The following SPRED2 variants were observed in gnomAD, a reference collection of about 807,000 sequenced individuals.
The protein encoded by SPRED2 is sprouty related EVH1 domain containing 2, also known as sprouty-related, EVH1 domain-containing protein 2.
A neutral mutation model predicts 43.0 loss-of-function variants in SPRED2; 47 were observed. The observed-to-expected ratio is 1.09, with a 90% CI of 0.87 to 1.40. The LOEUF (loss-of-function observed/expected upper bound fraction) is 1.40. Ranked by LOEUF, SPRED2 falls within the 40% of genes most tolerant of loss-of-function variation. The pLI is 0.00. For synonymous variants in SPRED2, 225 were observed against 225.7 expected (o/e 1.00, Z 0.03); for missense variants, 561 against 586.4 (o/e 0.96, Z 0.45).
chr2:65,337,728 T>G (rs1233644407), intron 2 of SPRED2, among the ~76,000 whole-genome samples: 1 of 149,150 alleles, frequency 6.7e-6, no homozygotes, highest in Non-Finnish European at 1.5e-5. Context: ...TTCATCTGTA[T>G]GGATGTATTA....
chr2:65,384,977 T>TC (rs397976962), intron 1 of SPRED2, among the ~76,000 whole-genome samples: 127 of 142,900 alleles, frequency 8.9e-4, no homozygotes, highest in Admixed American at 1.3e-3. Context: ...CACTTCTTCT[T>TC]TTTTTTTTTT....
At chr2:65,406,968 G>A (rs1453554564) in intron 1 of SPRED2, among the ~76,000 whole-genome samples, 3 of 149,944 alleles carry the variant, frequency 2.0e-5, no homozygotes, top group Admixed American at 6.7e-5. Flanking sequence ...TCGCTCTGTC[G>A]CCCAGGCTGG....
chr2:65,422,862 G>GT (rs1371218736), intron 1 of SPRED2, among the ~76,000 whole-genome samples: 3 of 152,276 alleles, frequency 2.0e-5, no homozygotes, highest in African/African-American at 7.2e-5. Flanking sequence ...AGGGCCAGAG[G>GT]TGAGCTGTTG....
chr2:65,419,577 TTGTGTGTGTGTGTGTGTGTG>T (rs10541896), intron 1 of SPRED2, among the ~76,000 whole-genome samples: 27 of 148,998 alleles, frequency 1.8e-4, no homozygotes, highest in Admixed American at 8.0e-4. Flanking sequence ...GGGATTATAG[TTGTGTGTGTGTGTGTGTGTG>T]TGTGTGTGTG....
intron 4 of SPRED2, among the ~76,000 whole-genome samples, chr2:65,331,276 A>G (rs541071303): frequency 6.6e-6 from 1 of 152,330 alleles, no homozygotes; most frequent in East Asian, 1.9e-4. Context: ...AATAAAAAGG[A>G]AAGAAAGAAA....
chr2:65,333,222 C>T (rs1167842582), intron 3 of SPRED2, among the ~76,000 whole-genome samples: 1 of 144,514 alleles, frequency 6.9e-6, no homozygotes, highest in African/African-American at 2.6e-5. Context: ...GCCGAGATGG[C>T]ACCACTGCAC....
At position 65,311,626 on chromosome 2, in the gene SPRED2, C is replaced by A; in HGVS notation, c.*1875G>T. ...GCTGGCTGAAGGTTTTCTAGATGTT[C>A]TCCAGGCATGGATGAGGTTCTCTTT... On this transcript the variant is annotated 3_prime_UTR_variant, in exon 6 of 6. Transcript: ENST00000356388. 2.0e-6 allele frequency: 2 copies of A among 985,826 alleles called. No homozygotes were observed. The highest frequency in any genetic ancestry group is 1.2e-6 in the Non-Finnish European group (1 of 829,936). 61.1% of individuals were successfully genotyped at this position (985,826 alleles called of 1,614,324 possible).
intron 1 of SPRED2, chr2:65,366,912 A>T: frequency 2.8e-6 from 1 of 351,680 alleles, no homozygotes; most frequent in Non-Finnish European, 4.0e-6. Flanking sequence ...ATATTGTTTT[A>T]AAAATTCCTG....
chr2:65,381,824 T>G (rs1402617661), intron 1 of SPRED2, among the ~76,000 whole-genome samples: 1 of 152,192 alleles, frequency 6.6e-6, no homozygotes, highest in Non-Finnish European at 1.5e-5. Context: ...AACATGAGAC[T>G]CCTCCTTGCA....
At chr2:65,322,294 A>ATATTTTTTTT (rs1350932295) in intron 4 of SPRED2, among the ~76,000 whole-genome samples, 2 of 64,930 alleles carry the variant, frequency 3.1e-5, no homozygotes, top group African/African-American at 1.4e-4. Context: ...ATATATATAT[A>ATATTTTTTTT]TTTTTTTTTT....
At chr2:65,336,011 T>C (rs1229763264) in intron 2 of SPRED2, among the ~76,000 whole-genome samples, 1 of 152,178 alleles carries the variant, frequency 6.6e-6, no homozygotes, top group East Asian at 1.9e-4. Context: ...AGTATACAGA[T>C]AAATTAGAGA....
intron 1 of SPRED2, among the ~76,000 whole-genome samples, chr2:65,349,301 TCTGTCTCAAAAAAAAAAA>T (rs370487458): frequency 0.025 from 2,938 of 115,916 alleles, 88 homozygotes; most frequent in African/African-American, 0.1. Flanking sequence ...ACAGCAAGAC[TCTGTCTCAAAAAAAAAAA>T]AAAAAAAAAA....
chr2:65,431,962 T>C lies in SPRED2; in HGVS notation c.26A>G (p.Asp9Gly). 1 of 1,613,362 alleles carries C rather than the reference T, an allele frequency of 6.2e-7. No homozygotes were observed. The highest frequency in any genetic ancestry group is 8.5e-7 in the Non-Finnish European group (1 of 1,179,664). Residue 9 changes from aspartate (D) to glycine (G), a missense_variant and splice_region_variant, in exon 1 of 6, where the codon GAT becomes GGT. Physicochemically the swap from Asp to Gly is moderately conservative, Grantham distance 94 (BLOSUM62 -1). Transcript: ENST00000356388. The stretch of plus-strand genomic sequence containing the variant: ...CGTCCCACCCCGCGACCAAACTTAC[T>C]CGTCTGGGTGTGTTTCTTCGGTCAT... MTEETHPD[D>G]DSYIVRVKAV...
intron 1 of SPRED2, among the ~76,000 whole-genome samples, chr2:65,373,210 C>A (rs1675170466): frequency 6.6e-6 from 1 of 152,190 alleles, no homozygotes; most frequent in Non-Finnish European, 1.5e-5. Flanking sequence ...AGTCACTTAA[C>A]TTCTTTGTGC....
intron 2 of SPRED2, among the ~76,000 whole-genome samples, chr2:65,338,859 C>T (rs1410165777): frequency 1.3e-5 from 2 of 151,730 alleles, no homozygotes. Flanking sequence ...TGAGGAGCGC[C>T]TCCTCCCGGC....
At position 65,312,085 on chromosome 2, in the gene SPRED2, TC is replaced by T; in HGVS notation, c.*1415del. On this transcript the variant is annotated 3_prime_UTR_variant, in exon 6 of 6. Coordinates refer to ENST00000356388, the MANE Select transcript of SPRED2 (RefSeq NM_181784.3). Reference sequence around the variant, plus strand: ...GGTATAGGTAACCACTCTTCACTTTTCTTCTTTCTTCAATAAGAAGATTTGG... The same window carrying T: ...GGTATAGGTAACCACTCTTCACTTTTTTCTTTCTTCAATAAGAAGATTTGG... The T allele has an allele frequency of 2.0e-6, 2 of 985,420 alleles. No homozygotes were observed. The highest frequency in any genetic ancestry group is 2.4e-6 in the Non-Finnish European group (2 of 829,908). 61.0% of individuals were successfully genotyped at this position (985,420 alleles called of 1,614,324 possible).
intron 4 of SPRED2, among the ~76,000 whole-genome samples, chr2:65,321,858 C>A (rs542602144): frequency 6.6e-6 from 1 of 151,888 alleles, no homozygotes; most frequent in African/African-American, 2.4e-5. Flanking sequence ...CTGCAACCTC[C>A]GCCTCCTGGG....
In SPRED2 at chr2:65,324,466, G is replaced by A. The variant is rs562963366; in HGVS notation, c.438+7521C>T. Among the ~76,000 whole-genome samples, 23 of 152,274 alleles carry A rather than the reference G, an allele frequency of 1.5e-4. No individual in the cohort carries two copies. In the South Asian group the frequency reaches 4.8e-3, roughly 32 times the overall value. The stretch of plus-strand genomic sequence containing the variant: ...TGGGAATCAGCCTGAATGGAGAAAC[G>A]AGACTAACAGGGCAACACCTCAGGT... On this transcript the variant is annotated intron_variant, in intron 4 of 5. Transcript: ENST00000356388.
chr2:65,338,890 G>C (rs1374039487), intron 2 of SPRED2, among the ~76,000 whole-genome samples: 4 of 152,004 alleles, frequency 2.6e-5, no homozygotes, highest in Admixed American at 1.3e-4. Flanking sequence ...TCTAGGAAGT[G>C]AGGAGCGTCT....
Sources: gnomAD v4.1 joint callset for allele counts (sites outside exome capture counted in the v4.1 genomes callset) on GRCh38, gnomAD v4.1.1 for gene constraint, MANE v1.5 for transcripts, NCBI Gene and HGNC (gene_info 2026-07-23, HGNC 2026-07-21) for gene names.